KIAA1755: variants seen among roughly 807,000 people sequenced by gnomAD.
KIAA1755 encodes KIAA1755.
Under a neutral mutation model 91.7 loss-of-function variants are expected in KIAA1755, and 68 were observed. The ratio of observed to expected loss-of-function variants is 0.74; its 90% CI spans 0.61 to 0.91. The LOEUF is 0.91. KIAA1755 is among the 40% of genes least tolerant of loss of function. The probability of loss-of-function intolerance (pLI) is 0.00; values close to 1 mark genes in which losing one functional copy is unlikely to be tolerated. For synonymous variants in KIAA1755, 610 were observed against 604.6 expected, an observed-to-expected ratio of 1.01 and a Z score of -0.13; for missense variants, 1,535 against 1,494.4, an observed-to-expected ratio of 1.03 and a Z score of -0.45.
chr20:38,225,515 A>G, intron 8 of KIAA1755, 150 bp downstream of exon 8: 1 of 663,544 alleles, frequency 1.5e-6, no homozygotes, highest in African/African-American at 1.8e-5. Flanking sequence ...TGAGCTCTTA[A>G]TCATTTGACT....
chr20:38,234,885 C>T (rs538238020), intron 4 of KIAA1755, among the ~76,000 whole-genome samples: 17 of 152,246 alleles, frequency 1.1e-4, no homozygotes, highest in Admixed American at 5.2e-4. Context: ...TACCAGCTGG[C>T]GCCAGAAATA....
At chr20:38,238,718 A>G (rs2076002118) in intron 4 of KIAA1755, among the ~76,000 whole-genome samples, 2 of 152,180 alleles carry the variant, frequency 1.3e-5, no homozygotes, top group African/African-American at 4.8e-5. Flanking sequence ...AACACATCAG[A>G]CTTGTTCTCT....
chr20:38,217,570 A>G, intron 12 of KIAA1755, 96 bp from the exon 13 acceptor site: 1 of 836,310 alleles, frequency 1.2e-6, no homozygotes, highest in Non-Finnish European at 1.9e-6. Context: ...CTGGCGAGCC[A>G]GGAGACTTCC....
chr20:38,251,867 C>T (rs1207249125), intron 1 of KIAA1755, among the ~76,000 whole-genome samples: 1 of 152,076 alleles, frequency 6.6e-6, no homozygotes, highest in Non-Finnish European at 1.5e-5. Flanking sequence ...TGCCTGGCCC[C>T]ATTATAATCT....
intron 4 of KIAA1755, among the ~76,000 whole-genome samples, chr20:38,232,487 G>A (rs538883659): frequency 8.5e-5 from 13 of 152,172 alleles, no homozygotes; most frequent in African/African-American, 3.1e-4. Context: ...AATTAGCCAG[G>A]CATGGTGGCG....
At chr20:38,228,071 C>A in intron 6 of KIAA1755, 76 bp downstream of exon 6, 1 of 1,101,156 alleles carries the variant, frequency 9.1e-7, no homozygotes. Flanking sequence ...TAAGCACCCC[C>A]GGACTCTATG....
In KIAA1755 at chr20:38,241,507, T is replaced by C. The variant is rs757583050; in HGVS notation, c.624A>G (p.Ala208=). The change falls in exon 3 of 14, where the codon GCA becomes GCG. Residue 208 remains alanine (A), a synonymous_variant. Transcript: ENST00000279024. ...CQAWGPLPLE[A]LDLSSPQELH... Reference sequence around the variant, plus strand: ...ACTCTTGAGGGCTGCTCAAATCCAGTGCCTCTAATGGAAGGGGCCCCCAGG... The same window carrying C: ...ACTCTTGAGGGCTGCTCAAATCCAGCGCCTCTAATGGAAGGGGCCCCCAGG... 7 of 1,614,228 alleles carry C rather than the reference T, an allele frequency of 4.3e-6. No individual in the cohort carries two copies. The highest frequency in any genetic ancestry group is 5.9e-6 in the Non-Finnish European group (7 of 1,180,036).
At chr20:38,218,491 A>G (rs961367914) in intron 11 of KIAA1755, 125 bp from the exon 12 acceptor site, 1 of 1,254,948 alleles carries the variant, frequency 8.0e-7, no homozygotes, top group Non-Finnish European at 1.1e-6. Flanking sequence ...GCCTGTGACC[A>G]CTGGCTTGGA....
chr20:38,235,210 T>C (rs1600615004), intron 4 of KIAA1755, among the ~76,000 whole-genome samples: 1 of 152,366 alleles, frequency 6.6e-6, no homozygotes. Context: ...AAGATCTATA[T>C]GGAGCAACTG....
chr20:38,234,567 GT>G (rs1431102383), intron 4 of KIAA1755, among the ~76,000 whole-genome samples: 1 of 152,214 alleles, frequency 6.6e-6, no homozygotes, highest in African/African-American at 2.4e-5. Flanking sequence ...TGGGGATCTT[GT>G]TAGAATGCAG....
intron 4 of KIAA1755, among the ~76,000 whole-genome samples, chr20:38,238,731 T>A (rs1398507106): frequency 2.0e-5 from 3 of 152,198 alleles, no homozygotes; most frequent in African/African-American, 7.2e-5. Context: ...TGTTCTCTTA[T>A]GAATCGCCAG....
chr20:38,228,114 T>C (rs1320152018), intron 6 of KIAA1755, 33 bp downstream of exon 6: 3 of 1,536,752 alleles, frequency 2.0e-6, no homozygotes, highest in East Asian at 4.8e-5. Flanking sequence ...CTCCCAGGAC[T>C]TACTAGGCTA....
chr20:38,230,717 G>A (rs2075845024), intron 5 of KIAA1755, among the ~76,000 whole-genome samples: 2 of 152,000 alleles, frequency 1.3e-5, no homozygotes, highest in African/African-American at 4.8e-5. Flanking sequence ...GGAAAAATGC[G>A]GTCTCTACTA....
rs148656596 is a variant in KIAA1755, at chr20:38,260,277, T to TAC, written c.3+219_3+220dup. ...TACAAGTACAATCTTACTCCATCCA[T>TAC]ACACACACATGGAGAAGCCAGGAGA... On this transcript the variant is annotated intron_variant, in intron 1 of 13. Coordinates refer to ENST00000279024, the MANE Select transcript of KIAA1755 (RefSeq NM_001029864.2). 2.4e-3 allele frequency: 3,686 copies of TAC among 1,548,706 alleles called. 68 individuals carry two copies. In the African/African-American group the frequency reaches 0.041, roughly 17 times the overall value.
intron 4 of KIAA1755, among the ~76,000 whole-genome samples, chr20:38,235,226 T>A (rs1405762841): frequency 1.3e-5 from 2 of 152,186 alleles, no homozygotes; most frequent in Non-Finnish European, 2.9e-5. Context: ...AACTGAGAGC[T>A]CAGGGTGAGG....
chr20:38,237,591 G>GATGT (rs2075980344), intron 4 of KIAA1755, among the ~76,000 whole-genome samples: 1 of 152,030 alleles, frequency 6.6e-6, no homozygotes, highest in Non-Finnish European at 1.5e-5. Flanking sequence ...ATGGGGAAGG[G>GATGT]ATGTGGTGGA....
rs1460657343 is a variant in KIAA1755, at chr20:38,240,727, A to C, written c.1404T>G (p.Thr468=). 3.8e-6 allele frequency: 6 copies of C among 1,571,636 alleles called. No individual in the cohort carries two copies. The highest frequency in any genetic ancestry group is 5.2e-6 in the Non-Finnish European group (6 of 1,159,408). ...SRNTSSPEPP[T]PGLKFSFLRG... is the part of the protein sequence containing the mutation. The stretch of plus-strand genomic sequence containing the variant: ...TCAAGAATGAGAATTTGAGCCCAGG[A>C]GTGGGGGGCTCAGGGGAGGAGGTGT... Residue 468 remains threonine, a synonymous_variant, in exon 3 of 14, where the codon ACT becomes ACG. Coordinates refer to ENST00000279024, the MANE Select transcript of KIAA1755 (RefSeq NM_001029864.2).
At chr20:38,230,906 G>T (rs912573061) in intron 5 of KIAA1755, among the ~76,000 whole-genome samples, 4 of 150,558 alleles carry the variant, frequency 2.7e-5, no homozygotes, top group Non-Finnish European at 5.9e-5. Flanking sequence ...AAAAAAAAAT[G>T]AAAACCACTG....
intron 4 of KIAA1755, among the ~76,000 whole-genome samples, chr20:38,231,748 C>T (rs917086447): frequency 6.6e-6 from 1 of 152,202 alleles, no homozygotes; most frequent in Non-Finnish European, 1.5e-5. Context: ...AGGATGAAAT[C>T]AGACAGCTCC....
Sources: allele counts gnomAD v4.1 joint callset (sites outside exome capture counted in the v4.1 genomes callset), GRCh38; gene constraint gnomAD v4.1.1; transcripts MANE v1.5; gene names NCBI Gene and HGNC (gene_info 2026-07-23, HGNC 2026-07-21).